ZDHHC23: variants seen among roughly 807,000 people sequenced by gnomAD.
ZDHHC23 encodes palmitoyltransferase ZDHHC23.
ZDHHC23 carries 41 observed loss-of-function variants against 40.2 expected under a neutral mutation model. The ratio of observed to expected loss-of-function variants is 1.02; its 90% CI spans 0.79 to 1.32. ZDHHC23 has a LOEUF of 1.32. Among genes scored for constraint, ZDHHC23 ranks in the 40% most tolerant of loss-of-function variants. ZDHHC23 has a pLI of 0.00. For synonymous variants in ZDHHC23, 204 were observed against 210.2 expected (o/e 0.97, Z 0.26); for missense variants, 471 against 541.5 (o/e 0.87, Z 1.29).
rs376622069 is a variant in ZDHHC23 at position 113,953,833 on chromosome 3, C to T, written c.295C>T (p.Leu99=). The part of the protein sequence containing the change: ...NISIIPPLVL[L]PVFLHVASWH... The stretch of plus-strand genomic sequence containing the variant: ...CAGCATCATCCCTCCGCTTGTCCTG[C>T]TGCCTGTCTTCCTTCATGTGGCTTC... The change falls in exon 3 of 5, where the codon CTG becomes TTG. Residue 99 remains leucine, a synonymous_variant. Transcript: ENST00000638807. 1.2e-6 allele frequency: 2 copies of T among 1,614,096 alleles called. No homozygotes were observed. Among genetic ancestry groups the T allele is most frequent in the African/African-American group, 2.7e-5 (2 of 74,930 alleles).
chr3:113,948,913 C>T lies in ZDHHC23; in HGVS notation c.111C>T (p.His37=). 1.2e-6 allele frequency: 2 copies of T among 1,614,158 alleles called. No homozygotes were observed. The highest frequency in any genetic ancestry group is 1.1e-5 in the South Asian group (1 of 91,084). The change falls in exon 2 of 5, where the codon CAC becomes CAT. Residue 37 remains histidine, a synonymous_variant. Transcript: ENST00000638807. ...EYIDRNGEKN[H]VATCLCDCQD... The stretch of plus-strand genomic sequence containing the variant: ...TAGATCGGAATGGGGAAAAGAACCA[C>T]GTGGCTACTTGTTTGTGTGATTGTC...
At chr3:113,969,272 T>C (rs1341782851), downstream of ZDHHC23, among the ~76,000 whole-genome samples, 1 of 152,232 alleles carries the variant, frequency 6.6e-6, no homozygotes, top group African/African-American at 2.4e-5. Context: ...ACAGACAGTT[T>C]GCAAATACTC....
the ZDHHC23 span, chr3:113,978,818 C>G: frequency 6.3e-7 from 1 of 1,584,530 alleles, no homozygotes; most frequent in Non-Finnish European, 8.6e-7. Flanking sequence ...TAGAATTGAG[C>G]AATGAGATGT....
At chr3:113,972,666 GTGT>G in the ZDHHC23 span, among the ~76,000 whole-genome samples, 1 of 152,136 alleles carries the variant, frequency 6.6e-6, no homozygotes, top group Non-Finnish European at 1.5e-5. Flanking sequence ...TGAGAGTGGC[GTGT>G]TGAAGTCCCC....
chr3:113,953,608 C>T (rs1286262188), intron 2 of ZDHHC23, 92 bp from the exon 3 acceptor site: 8 of 1,128,316 alleles, frequency 7.1e-6, no homozygotes, highest in Non-Finnish European at 8.8e-6. Flanking sequence ...TAGCTTTTAT[C>T]GTTTATCCCA....
chr3:113,976,897 T>C, the ZDHHC23 span, among the ~76,000 whole-genome samples: 3 of 152,188 alleles, frequency 2.0e-5, no homozygotes, highest in Non-Finnish European at 2.9e-5. Flanking sequence ...CCCTCACTTA[T>C]TGCTTATTTG....
the ZDHHC23 span, among the ~76,000 whole-genome samples, chr3:113,973,259 C>A: frequency 6.6e-6 from 1 of 152,150 alleles, no homozygotes; most frequent in Non-Finnish European, 1.5e-5. Context: ...TTTTATATTA[C>A]CTCTTAGCAG....
rs1320491852 is a variant in ZDHHC23, at chr3:113,959,584, C to CTTTACTCTCT, written c.*958_*967dup. 1 of 1,222,172 alleles carries CTTTACTCTCT rather than the reference C, an allele frequency of 8.2e-7. No individual in the cohort carries two copies. The highest frequency in any genetic ancestry group is 1.1e-6 in the Non-Finnish European group (1 of 938,550). 75.7% of individuals were successfully genotyped at this position (1,222,172 alleles called of 1,614,324 possible). ...GAGAACAGACACTCCTGTGGGGATGCTTTACTCTCTTTTCTGGTAGGAAGG... is the reference window on the plus strand; with the variant it reads ...GAGAACAGACACTCCTGTGGGGATGCTTTACTCTCTTTTACTCTCTTTTCTGGTAGGAAGG... On this transcript the variant is annotated 3_prime_UTR_variant, in exon 5 of 5. Coordinates refer to ENST00000638807, the MANE Select transcript of ZDHHC23 (RefSeq NM_001320466.2).
Position 113,954,087 on chromosome 3 carries a change from A to G in ZDHHC23, c.549A>G (p.Leu183=), listed in dbSNP as rs1938941846. ...VLTCGLFLIL[L]ALHRAKKNPG... is the part of the protein sequence containing the mutation. ...CCTGCGGGTTATTTCTGATACTCTT[A>G]GCCTTGCACAGAGCCAAGAAGAATC... is the stretch of plus-strand genomic sequence containing the variant. The change falls in exon 3 of 5, where the codon TTA becomes TTG. Residue 183 remains leucine (L), a synonymous_variant. Coordinates refer to ENST00000638807, the MANE Select transcript of ZDHHC23 (RefSeq NM_001320466.2). 1 of 1,614,060 alleles carries G rather than the reference A, an allele frequency of 6.2e-7. No homozygotes were observed. The highest frequency in any genetic ancestry group is 1.7e-5 in the Admixed American group (1 of 60,006).
At chr3:113,974,343 G>A in the ZDHHC23 span, among the ~76,000 whole-genome samples, 5 of 147,168 alleles carry the variant, frequency 3.4e-5, no homozygotes, top group African/African-American at 1.3e-4. Context: ...TTTTGGAGAT[G>A]GAGTCTTGCT....
In ZDHHC23 at chr3:113,962,167, T is replaced by G. The variant is rs967590351; in HGVS notation, c.*3537T>G. ...ATGTGCACCCTTTTGTATTAAACAC[T>G]GCAAGGGTGATGCAGGGGAGCAGGA... is the stretch of plus-strand genomic sequence containing the variant. On this transcript the variant is annotated 3_prime_UTR_variant, in exon 5 of 5. Coordinates refer to ENST00000638807, the MANE Select transcript of ZDHHC23 (RefSeq NM_001320466.2). The G allele has an allele frequency of 2.0e-5, 3 of 152,390 alleles. No individual in the cohort carries two copies. Among genetic ancestry groups the G allele is most frequent in the Non-Finnish European group, 4.4e-5 (3 of 68,054 alleles). The allele number at this position is 152,390 out of a possible 1,614,324, so 9.4% of individuals were successfully genotyped here. A position where few individuals can be genotyped will look rare whatever the true frequency, so the allele number is the denominator to read the frequency against.
the ZDHHC23 span, chr3:113,978,757 GAA>G: frequency 7.6e-7 from 1 of 1,308,726 alleles, no homozygotes. Context: ...TTTTGTTCTT[GAA>G]AAAACATAAT....
chr3:113,965,318 A>T (rs1257729081), downstream of ZDHHC23: 1 of 1,610,242 alleles, frequency 6.2e-7, no homozygotes, highest in African/African-American at 1.3e-5. Context: ...CATAAATTTT[A>T]CAAACTTCTT....
chr3:113,953,253 C>A (rs1938854048), intron 2 of ZDHHC23, among the ~76,000 whole-genome samples: 1 of 152,184 alleles, frequency 6.6e-6, no homozygotes. Flanking sequence ...CACAAAGACC[C>A]CTCTGAAGAC....
Position 113,954,341 on chromosome 3 carries a change from G to A in ZDHHC23, c.803G>A (p.Arg268Gln), listed in dbSNP as rs148384620. ...EDWCAKCQLV[R>Q]PARAWHCRIC... is the part of the protein sequence containing the mutation. ...TGGTGTGCCAAGTGCCAGCTGGTGC[G>A]ACCAGCCCGGGCATGGCACTGCCGG... The change falls in exon 3 of 5, where the codon CGA (arginine) becomes CAA (glutamine). Residue 268 changes from arginine to glutamine, a missense_variant. Transcript: ENST00000638807. The A allele has an allele frequency of 2.0e-5, 32 of 1,613,548 alleles. No individual in the cohort carries two copies. The highest frequency in any genetic ancestry group is 1.1e-4 in the African/African-American group (8 of 74,910).
At chr3:113,950,150 G>C (rs930824709) in intron 2 of ZDHHC23, among the ~76,000 whole-genome samples, 1 of 152,130 alleles carries the variant, frequency 6.6e-6, no homozygotes, top group Non-Finnish European at 1.5e-5. Context: ...CACCGTGCCT[G>C]CTGCTCTGTA....
chr3:113,954,459 C>T, intron 3 of ZDHHC23, 49 bp downstream of exon 3: 2 of 1,460,974 alleles, frequency 1.4e-6, no homozygotes, highest in Non-Finnish European at 1.8e-6. Context: ...TCATGTAAAA[C>T]TCTAGTTACA....
chr3:113,979,435 T>C, the ZDHHC23 span, among the ~76,000 whole-genome samples: 2 of 152,250 alleles, frequency 1.3e-5, no homozygotes, highest in Non-Finnish European at 2.9e-5. Flanking sequence ...CAATTAGTGT[T>C]GTGGAATGAG....
the ZDHHC23 span, among the ~76,000 whole-genome samples, chr3:113,975,664 C>T: frequency 3.8e-3 from 572 of 152,206 alleles, 8 homozygotes; most frequent in African/African-American, 0.013. Context: ...AATGGATAGA[C>T]AGTGATGCAA....
Sources: allele counts gnomAD v4.1 joint callset (sites outside exome capture counted in the v4.1 genomes callset), GRCh38; gene constraint gnomAD v4.1.1; transcripts MANE v1.5; gene names NCBI Gene and HGNC (gene_info 2026-07-23, HGNC 2026-07-21).